The following LOC122539214 variants were observed in gnomAD, a reference collection of about 807,000 sequenced individuals.
the LOC122539214 span, among the ~76,000 whole-genome samples, chr19:52,668,209 G>A: frequency 6.6e-6 from 1 of 152,086 alleles, no homozygotes; most frequent in Non-Finnish European, 1.5e-5. Flanking sequence ...ATGGAAACTC[G>A]AGCCAGCCTA....
At chr19:52,653,150 G>GA in the LOC122539214 span, 103 of 1,480,610 alleles carry the variant, frequency 7.0e-5, no homozygotes, top group African/African-American at 1.3e-3. Flanking sequence ...CAGTTGTAAG[G>GA]TTTTTCTCCG....
chr19:52,655,466 T>C, the LOC122539214 span: 1 of 1,159,460 alleles, frequency 8.6e-7, no homozygotes, highest in Non-Finnish European at 1.2e-6. Flanking sequence ...ATCAAAAGCA[T>C]GTATGCGGCA....
chr19:52,673,722 T>G, the LOC122539214 span, among the ~76,000 whole-genome samples: 1 of 151,280 alleles, frequency 6.6e-6, no homozygotes, highest in South Asian at 2.1e-4. Context: ...AGACTCCAAC[T>G]CAAAAAAATA....
the LOC122539214 span, among the ~76,000 whole-genome samples, chr19:52,663,861 C>T: frequency 6.6e-6 from 1 of 152,112 alleles, no homozygotes; most frequent in Non-Finnish European, 1.5e-5. Context: ...TCTACCAAAG[C>T]TTATTTGAGA....
At chr19:52,654,747 T>C in the LOC122539214 span, 2 of 160,098 alleles carry the variant, frequency 1.2e-5, no homozygotes, top group African/African-American at 4.8e-5. Flanking sequence ...GCCTCATATA[T>C]ATGATGCAGT....
chr19:52,690,183 A>C, the LOC122539214 span, among the ~76,000 whole-genome samples: 1 of 22,826 alleles, frequency 4.4e-5, no homozygotes, highest in Non-Finnish European at 8.6e-5. Flanking sequence ...TGATTTTGAG[A>C]AAAAAAAAAA....
At chr19:52,666,014 A>G in the LOC122539214 span, among the ~76,000 whole-genome samples, 2 of 151,308 alleles carry the variant, frequency 1.3e-5, no homozygotes, top group African/African-American at 4.9e-5. Context: ...AAAAAAAAAA[A>G]TTAGCCGGGC....
the LOC122539214 span, among the ~76,000 whole-genome samples, chr19:52,680,665 T>G: frequency 1.7e-4 from 22 of 130,096 alleles, no homozygotes; most frequent in African/African-American, 5.5e-4. Context: ...CAGGCTGGAG[T>G]GCAGTGGCGC....
chr19:52,654,195 T>C, the LOC122539214 span: 3 of 1,598,250 alleles, frequency 1.9e-6, no homozygotes, highest in South Asian at 2.2e-5. Flanking sequence ...CAGTCAACTT[T>C]TTGATTTTTG....
chr19:52,688,397 C>T, the LOC122539214 span, among the ~76,000 whole-genome samples: 3 of 150,836 alleles, frequency 2.0e-5, no homozygotes, highest in Non-Finnish European at 2.9e-5. Flanking sequence ...TGGTCTAGAA[C>T]TCCTGGACTC....
At chr19:52,675,952 G>GA in the LOC122539214 span, among the ~76,000 whole-genome samples, 5 of 152,144 alleles carry the variant, frequency 3.3e-5, no homozygotes, top group South Asian at 1.0e-3. Flanking sequence ...ACCACTTTGG[G>GA]AGGCCGATGC....
chr19:52,686,722 G>A, the LOC122539214 span, among the ~76,000 whole-genome samples: 2 of 151,970 alleles, frequency 1.3e-5, no homozygotes, highest in Middle Eastern at 3.2e-3. Context: ...ACAGGTGCAC[G>A]CCACCATGCC....
chr19:52,664,637 G>T, the LOC122539214 span, among the ~76,000 whole-genome samples: 1 of 152,090 alleles, frequency 6.6e-6, no homozygotes, highest in Admixed American at 6.5e-5. Context: ...GCCAGGACTG[G>T]GGGGTGGAAC....
the LOC122539214 span, among the ~76,000 whole-genome samples, chr19:52,677,255 T>C: frequency 6.8e-6 from 1 of 147,874 alleles, no homozygotes; most frequent in African/African-American, 2.5e-5. Context: ...GGGCTGGAAG[T>C]TGGTGAGGGG....
At chr19:52,661,051 C>T in the LOC122539214 span, among the ~76,000 whole-genome samples, 42 of 151,954 alleles carry the variant, frequency 2.8e-4, no homozygotes, top group African/African-American at 9.7e-4. Flanking sequence ...TTTTAGTAGA[C>T]ATGGGGTTTC....
the LOC122539214 span, among the ~76,000 whole-genome samples, chr19:52,658,817 G>A: frequency 6.6e-6 from 1 of 152,100 alleles, no homozygotes; most frequent in Non-Finnish European, 1.5e-5. Context: ...GGCTGACCAG[G>A]GAAATTGCCC....
chr19:52,668,526 G>C, the LOC122539214 span, among the ~76,000 whole-genome samples: 2 of 152,012 alleles, frequency 1.3e-5, no homozygotes, highest in African/African-American at 4.8e-5. Context: ...CTTCTTTAGG[G>C]TGTGCTTTTT....
At chr19:52,688,642 C>T in the LOC122539214 span, among the ~76,000 whole-genome samples, 2 of 151,982 alleles carry the variant, frequency 1.3e-5, no homozygotes, top group Non-Finnish European at 2.9e-5. Context: ...TTCTCTTCCA[C>T]CTCTTCTGCT....
the LOC122539214 span, among the ~76,000 whole-genome samples, chr19:52,689,100 G>A: frequency 6.6e-6 from 1 of 152,042 alleles, no homozygotes; most frequent in Non-Finnish European, 1.5e-5. Flanking sequence ...GCAACCCAAG[G>A]TCACAAGATA....
Sources: gnomAD v4.1 joint callset for allele counts (sites outside exome capture counted in the v4.1 genomes callset) on GRCh38, gnomAD v4.1.1 for gene constraint, MANE v1.5 for transcripts.